The following MAP4 variants were observed in gnomAD, a reference collection of about 807,000 sequenced individuals.
MAP4 encodes the protein microtubule associated protein 4.
Under a neutral mutation model 170.2 loss-of-function variants are expected in MAP4, and 76 were observed. The observed-to-expected ratio is 0.45, with a 90% CI of 0.37 to 0.54. The LOEUF (loss-of-function observed/expected upper bound fraction) is 0.54, where lower values mean the gene tolerates loss of function less well. Among genes scored for constraint, MAP4 ranks in the 20% least tolerant of loss-of-function variants. The pLI, the probability that MAP4 is intolerant of heterozygous loss-of-function variation, is 0.00. For missense variants in MAP4, 2,506 were observed against 2,748.0 expected (o/e 0.91, Z 1.97); for synonymous variants, 909 against 994.5 (o/e 0.91, Z 1.62).
chr3:47,890,855 T>A (rs2100023537), intron 10 of MAP4, among the ~76,000 whole-genome samples: 1 of 152,128 alleles, frequency 6.6e-6, no homozygotes, highest in Non-Finnish European at 1.5e-5. Flanking sequence ...TTTGTTCTCT[T>A]CCTTGCCTCA....
At chr3:48,004,632 C>A (rs1393390643) in intron 1 of MAP4, among the ~76,000 whole-genome samples, 2 of 152,174 alleles carry the variant, frequency 1.3e-5, no homozygotes, top group African/African-American at 4.8e-5. Context: ...AGTGGCTGAC[C>A]TGCAACAAAA....
At chr3:47,907,015 A>G (rs2100033477) in intron 9 of MAP4, among the ~76,000 whole-genome samples, 1 of 152,016 alleles carries the variant, frequency 6.6e-6, no homozygotes, top group African/African-American at 2.4e-5. Flanking sequence ...TTGTATTTTT[A>G]GTAGAGATGG....
At chr3:47,902,398 A>G (rs1031422767) in intron 10 of MAP4, among the ~76,000 whole-genome samples, 1 of 152,028 alleles carries the variant, frequency 6.6e-6, no homozygotes, top group Non-Finnish European at 1.5e-5. Flanking sequence ...CAGTGGAGTC[A>G]GGCGCAGTGG....
At chr3:48,053,532 ATTTTTT>A (rs1008615729) in intron 1 of MAP4, among the ~76,000 whole-genome samples, 15 of 152,046 alleles carry the variant, frequency 9.9e-5, no homozygotes, top group Admixed American at 8.5e-4. Context: ...GAACACTTTT[ATTTTTT>A]TTATTTTTAA....
intron 10 of MAP4, among the ~76,000 whole-genome samples, chr3:47,885,737 T>C (rs190576723): frequency 1.3e-3 from 190 of 151,972 alleles, no homozygotes; most frequent in Admixed American, 6.0e-3. Context: ...GTTCTTTTTT[T>C]TTTTTTTTTG....
chr3:47,947,537 G>A (rs892830845), intron 3 of MAP4, among the ~76,000 whole-genome samples: 2 of 152,132 alleles, frequency 1.3e-5, no homozygotes, highest in African/African-American at 4.8e-5. Flanking sequence ...CTCAAGCCGG[G>A]TGTGGTGGCT....
intron 1 of MAP4, among the ~76,000 whole-genome samples, chr3:48,054,506 T>C (rs1035457469): frequency 1.3e-5 from 2 of 151,340 alleles, no homozygotes; most frequent in African/African-American, 4.9e-5. Flanking sequence ...GGCGGGCGCC[T>C]GTAATCCTAG....
intron 3 of MAP4, among the ~76,000 whole-genome samples, chr3:47,951,477 G>A (rs1433998925): frequency 1.3e-5 from 2 of 152,184 alleles, no homozygotes. Flanking sequence ...AGCCTGCCTA[G>A]TGCCTGCGAT....
chr3:47,878,643 A>G lies in MAP4; in HGVS notation c.5435-1120T>C, dbSNP rs555200351. Reference sequence around the variant, plus strand: ...CAACCTCTGTCTCCCCATTCAAACAATTCTCCTGCCTCAGCCTCCCAAGTA... The same window carrying G: ...CAACCTCTGTCTCCCCATTCAAACAGTTCTCCTGCCTCAGCCTCCCAAGTA... On this transcript the variant is annotated intron_variant, in intron 10 of 20. Transcript: ENST00000683076. Among the ~76,000 whole-genome samples, 7 of 152,186 alleles carry G rather than the reference A, an allele frequency of 4.6e-5. No individual in the cohort carries two copies. The South Asian group carries it at 1.2e-3, about 27-fold the overall frequency.
At chr3:47,929,904 G>A (rs559620431) in intron 3 of MAP4, among the ~76,000 whole-genome samples, 4 of 152,096 alleles carry the variant, frequency 2.6e-5, no homozygotes, top group East Asian at 1.9e-4. Context: ...CGAGGCAGGC[G>A]GATCACCTGA....
At position 47,911,293 on chromosome 3, in the gene MAP4, T is replaced by C. The variant is rs1176069827; in HGVS notation, c.3128A>G (p.Gln1043Arg). The C allele has an allele frequency of 6.5e-7, 1 of 1,536,164 alleles. No individual in the cohort carries two copies. Among genetic ancestry groups the C allele is most frequent in the Non-Finnish European group, 8.7e-7 (1 of 1,146,910 alleles). ...TGGTTCATTCTCTACCCCAGGGACC[T>C]GTACCAACACTTGGCCCTGCAGCTG... ...SEQLQGQVLVQVPGVENEPFK... is the reference protein window; with the variant it reads ...SEQLQGQVLVRVPGVENEPFK... The change falls in exon 9 of 21, where the codon CAG (glutamine) becomes CGG (arginine). Residue 1043 changes from glutamine to arginine, a missense_variant. By Grantham distance (43) the Gln-to-Arg change is conservative (BLOSUM62 1). Coordinates refer to ENST00000683076, the MANE Select transcript of MAP4 (RefSeq NM_001385682.1). This position sits in a 1 kb window ranked among gnomAD's most constrained non-coding sequence, Gnocchi z 4.0.
intron 1 of MAP4, among the ~76,000 whole-genome samples, chr3:48,052,112 C>G (rs1407774340): frequency 3.3e-5 from 5 of 152,206 alleles, no homozygotes; most frequent in Non-Finnish European, 7.3e-5. Context: ...AAAATCACAA[C>G]TCTACCCCTA....
chr3:47,959,061 A>C (rs1176636843), intron 3 of MAP4, among the ~76,000 whole-genome samples: 1 of 152,176 alleles, frequency 6.6e-6, no homozygotes, highest in Non-Finnish European at 1.5e-5. Flanking sequence ...AAATCTTTAA[A>C]GCTTATGCTG....
chr3:48,071,658 C>T (rs907548711), intron 1 of MAP4, among the ~76,000 whole-genome samples: 2 of 152,152 alleles, frequency 1.3e-5, no homozygotes, highest in Non-Finnish European at 2.9e-5. Flanking sequence ...GGTGCAGTCG[C>T]TCACACCTGT....
intron 1 of MAP4, among the ~76,000 whole-genome samples, chr3:48,029,238 G>C (rs1448283643): frequency 6.6e-6 from 1 of 152,088 alleles, no homozygotes; most frequent in African/African-American, 2.4e-5. Context: ...AGGAGTTCAA[G>C]ACCAGCCTGG....
At chr3:47,861,118 T>C (rs957444570) in intron 17 of MAP4, among the ~76,000 whole-genome samples, 1 of 152,108 alleles carries the variant, frequency 6.6e-6, no homozygotes, top group Non-Finnish European at 1.5e-5. Context: ...CCCAGCACTT[T>C]GGGAGGCTGA....
chr3:47,860,878 C>A (rs1318145187), intron 17 of MAP4, among the ~76,000 whole-genome samples: 1 of 152,100 alleles, frequency 6.6e-6, no homozygotes, highest in Non-Finnish European at 1.5e-5. Flanking sequence ...TTAGAAGAAT[C>A]CAGATTCTAG....
intron 1 of MAP4, among the ~76,000 whole-genome samples, chr3:48,084,018 C>A (rs1301522397): frequency 6.6e-6 from 1 of 151,980 alleles, no homozygotes; most frequent in Non-Finnish European, 1.5e-5. Flanking sequence ...AGCCATCATG[C>A]CCAAGCCAAG....
chr3:47,959,138 G>A (rs2100069761), intron 3 of MAP4, among the ~76,000 whole-genome samples: 1 of 151,730 alleles, frequency 6.6e-6, no homozygotes, highest in Admixed American at 6.6e-5. Context: ...AAGAAAATTT[G>A]AGCATTTCAA....
Sources: gnomAD v4.1 joint callset for allele counts (sites outside exome capture counted in the v4.1 genomes callset) on GRCh38, gnomAD v4.1.1 for gene constraint, Gnocchi (gnomAD v3.1) non-coding constraint, MANE v1.5 for transcripts, NCBI Gene and HGNC (gene_info 2026-07-23, HGNC 2026-07-21) for gene names.